Variants in TRIM66 observed in about 807,000 individuals in gnomAD.
TRIM66 encodes tripartite motif-containing protein 66.
TRIM66 carries 99 observed loss-of-function variants against 148.2 expected under a neutral mutation model. That is an observed-to-expected ratio of 0.67 (90% CI 0.57 to 0.79). The LOEUF (loss-of-function observed/expected upper bound fraction) is 0.79, where lower values mean the gene tolerates loss of function less well. TRIM66 is among the 30% of genes least tolerant of loss of function. The probability of loss-of-function intolerance (pLI) is 0.00; values close to 1 mark genes in which losing one functional copy is unlikely to be tolerated. For synonymous variants in TRIM66, 616 were observed against 635.9 expected (o/e 0.97, Z 0.47); for missense variants, 1,666 against 1,697.9 (o/e 0.98, Z 0.33).
chr11:8,653,413 C>T (rs1310367524), intron 6 of TRIM66, among the ~76,000 whole-genome samples: 1 of 152,116 alleles, frequency 6.6e-6, no homozygotes, highest in Non-Finnish European at 1.5e-5. Flanking sequence ...TTTAAGAGTG[C>T]CATGTGAAAA....
chr11:8,671,067 G>A (rs545379394), intron 6 of TRIM66, among the ~76,000 whole-genome samples: 1 of 152,308 alleles, frequency 6.6e-6, no homozygotes, highest in South Asian at 2.1e-4. Flanking sequence ...TTTTTAACCA[G>A]TGCTATAATG....
intron 7 of TRIM66, among the ~76,000 whole-genome samples, chr11:8,650,445 G>C (rs2037257221): frequency 1.3e-5 from 2 of 149,744 alleles, no homozygotes; most frequent in African/African-American, 4.9e-5. Flanking sequence ...GAGGAGGAGG[G>C]GAAGGAGCAG....
chr11:8,660,314 G>C (rs1032383489), intron 6 of TRIM66, among the ~76,000 whole-genome samples: 1 of 152,056 alleles, frequency 6.6e-6, no homozygotes, highest in African/African-American at 2.4e-5. Context: ...CCTCCCCTGC[G>C]TGTGCCTCAT....
At chr11:8,682,679 G>A (rs549276225), upstream of TRIM66, 3 of 987,712 alleles carry the variant, frequency 3.0e-6, no homozygotes, top group East Asian at 2.4e-5. Flanking sequence ...TAGCAGGCGC[G>A]CAATCCCGCG....
intron 6 of TRIM66, among the ~76,000 whole-genome samples, chr11:8,661,126 G>A (rs377330972): frequency 3.9e-5 from 6 of 152,304 alleles, no homozygotes; most frequent in African/African-American, 9.6e-5. Context: ...GTGAAGTGAC[G>A]TCAGGAAAAA....
At chr11:8,655,709 G>A (rs1003553542) in intron 6 of TRIM66, among the ~76,000 whole-genome samples, 2 of 152,076 alleles carry the variant, frequency 1.3e-5, no homozygotes, top group Non-Finnish European at 2.9e-5. Context: ...TTGAAGCTAG[G>A]AGGCGGAACT....
chr11:8,648,521 G>A lies in TRIM66; in HGVS notation c.620C>T (p.Thr207Ile), dbSNP rs1244018724. 5.2e-6 allele frequency: 8 copies of A among 1,551,700 alleles called. No individual in the cohort carries two copies. The East Asian group carries it at 2.0e-4, about 38-fold the overall frequency. Residue 207 changes from threonine to isoleucine, a missense_variant, in exon 9 of 25, where the codon ACC (threonine) becomes ATC (isoleucine). This residue lies in a region of TRIM66 where 1,431 missense variants were observed against 1,412.4 expected (regional missense o/e 1.01). Transcript: ENST00000646038. ...CTGTGTGTGTAGAGGACAATACAAG[G>A]TGAAGTCTCCGGGACCACCATTCAC... ...PGVNGGPGDF[T>I]LYCPLHTQEV...
chr11:8,649,985 T>G, intron 7 of TRIM66, 98 bp from the exon 8 acceptor site: 7 of 1,366,066 alleles, frequency 5.1e-6, no homozygotes, highest in South Asian at 1.4e-5. Flanking sequence ...TGCAGGCCTA[T>G]TCCTCCACCA....
chr11:8,668,982 T>G (rs1470087574), intron 6 of TRIM66, among the ~76,000 whole-genome samples: 1 of 152,142 alleles, frequency 6.6e-6, no homozygotes, highest in Admixed American at 6.5e-5. Context: ...CACATTCCAG[T>G]GGTTAAAGTA....
rs1250017683 is a variant in TRIM66, at chr11:8,615,481, A to G, written c.*2463T>C. ...ATAAGTCAAAAGCAGGATCAGCCCA[A>G]ATGTTAATGAAGAGCCTCTGCAGGC... On this transcript the variant is annotated 3_prime_UTR_variant, in exon 25 of 25. Transcript: ENST00000646038. 6.6e-6 allele frequency: 1 copy of G among 152,112 alleles called. No individual in the cohort carries two copies. The highest frequency in any genetic ancestry group is 2.4e-5 in the African/African-American group (1 of 41,406). 9.4% of individuals were successfully genotyped at this position (152,112 alleles called of 1,614,324 possible). A position where few individuals can be genotyped will look rare whatever the true frequency, so the allele number is the denominator to read the frequency against.
chr11:8,640,351 G>A lies in TRIM66; in HGVS notation c.2024C>T (p.Pro675Leu). 6.4e-7 allele frequency: 1 copy of A among 1,551,674 alleles called. No homozygotes were observed. The highest frequency in any genetic ancestry group is 8.7e-7 in the Non-Finnish European group (1 of 1,147,016). The change falls in exon 14 of 25, where the codon CCC becomes CTC. Residue 675 changes from proline to leucine, a missense_variant. Physicochemically the swap from Pro to Leu is moderately conservative, Grantham distance 98. Coordinates refer to ENST00000646038, the MANE Select transcript of TRIM66 (RefSeq NM_001388022.1). ...DLELLLQAQQ[P>L]SLQLSQTKSP... ...TTTGGTCTGACTCAGTTGCAGGCTG[G>A]GCTGTTGAGCCTGGAGAAGAAGCTC...
intron 6 of TRIM66, among the ~76,000 whole-genome samples, chr11:8,669,668 G>C (rs2038815862): frequency 6.6e-6 from 1 of 151,464 alleles, no homozygotes; most frequent in Non-Finnish European, 1.5e-5. Context: ...AACTCCTTTT[G>C]GGATTTTATT....
At chr11:8,648,139 A>C in intron 9 of TRIM66, 53 bp from the exon 10 acceptor site, 3 of 1,444,972 alleles carry the variant, frequency 2.1e-6, no homozygotes, top group Non-Finnish European at 2.9e-6. Context: ...TACTTTGAGC[A>C]TGCCAACCAA....
chr11:8,643,577 C>T (rs906166695), intron 12 of TRIM66, among the ~76,000 whole-genome samples: 1 of 152,038 alleles, frequency 6.6e-6, no homozygotes, highest in African/African-American at 2.4e-5. Flanking sequence ...CTCCTGACCT[C>T]GTGATCTGCC....
chr11:8,622,339 AACACACACAC>A (rs150269400), intron 18 of TRIM66, among the ~76,000 whole-genome samples: 2 of 71,440 alleles, frequency 2.8e-5, no homozygotes, highest in African/African-American at 4.8e-5. Context: ...ACACACACAC[AACACACACAC>A]ACACACACAC....
rs1255489233 is a variant in TRIM66 at position 8,640,417 on chromosome 11, A to G, written c.1958T>C (p.Met653Thr). 1.9e-6 allele frequency: 3 copies of G among 1,551,552 alleles called. No homozygotes were observed. The highest frequency in any genetic ancestry group is 2.4e-5 in the East Asian group (1 of 40,902). Residue 653 changes from methionine (M) to threonine (T), a missense_variant, in exon 14 of 25, where the codon ATG (methionine) becomes ACG (threonine). By Grantham distance (81) the Met-to-Thr change is moderately conservative. Transcript: ENST00000646038. ...TTCCTCCAGCTCAAACTTGTGATGC[A>G]TTATGTCCATGTTCTGAGAACAGGC... is the stretch of plus-strand genomic sequence containing the variant. ...GPACSQNMDI[M>T]HHKFELEEMQ...
intron 7 of TRIM66, among the ~76,000 whole-genome samples, chr11:8,651,039 G>T (rs555909611): frequency 6.6e-6 from 1 of 152,122 alleles, no homozygotes; most frequent in Non-Finnish European, 1.5e-5. Context: ...TATCTTGCCC[G>T]GGCTATTATA....
chr11:8,640,710 G>C lies in TRIM66; in HGVS notation c.1665C>G (p.Pro555=). Residue 555 remains proline (P), a synonymous_variant, in exon 14 of 25, where the codon CCC becomes CCG. Coordinates refer to ENST00000646038, the MANE Select transcript of TRIM66 (RefSeq NM_001388022.1). ...CATCCTGTGGGGGGACAATGCACAC[G>C]GGCTGGGAAGTCAGCTGCTGCCCCA... The part of the protein sequence containing the change: ...QRLGQQLTSQ[P]VCIVPPQDVQ... 1 of 1,551,628 alleles carries C rather than the reference G, an allele frequency of 6.4e-7. No homozygotes were observed. Among genetic ancestry groups the C allele is most frequent in the Non-Finnish European group, 8.7e-7 (1 of 1,146,984 alleles).
chr11:8,642,934 A>G, intron 13 of TRIM66, 75 bp downstream of exon 13: 1 of 971,010 alleles, frequency 1.0e-6, no homozygotes, highest in Non-Finnish European at 1.5e-6. Context: ...GCATATGCTG[A>G]CCTACCCAGT....
Sources: gnomAD v4.1 joint callset for allele counts (sites outside exome capture counted in the v4.1 genomes callset) on GRCh38, gnomAD v4.1.1 for gene constraint, gnomAD v4.1.1 regional missense constraint, MANE v1.5 for transcripts, NCBI Gene and HGNC (gene_info 2026-07-23, HGNC 2026-07-21) for gene names.